BAZ2B: variants seen among roughly 807,000 people sequenced by gnomAD.
The protein encoded by BAZ2B is bromodomain adjacent to zinc finger domain 2B, also known as bromodomain adjacent to zinc finger domain protein 2B.
In BAZ2B, 91 loss-of-function variants were observed where a neutral mutation model predicts 246.0. That is an observed-to-expected ratio of 0.37 (90% CI 0.31 to 0.44). The LOEUF is 0.44. Ranked by LOEUF, BAZ2B falls within the 20% of genes least tolerant of loss-of-function variation. BAZ2B has a pLI of 1.00. For synonymous variants in BAZ2B, 855 were observed against 860.0 expected (o/e 0.99, Z 0.10); for missense variants, 2,332 against 2,533.7 (o/e 0.92, Z 1.71).
intron 2 of BAZ2B, among the ~76,000 whole-genome samples, chr2:159,518,114 C>G (rs2083624928): frequency 6.6e-6 from 1 of 152,092 alleles, no homozygotes; most frequent in South Asian, 2.1e-4. Flanking sequence ...ATTATTATTT[C>G]AATTGTTTCA....
In BAZ2B at chr2:159,404,867, T is replaced by C. The variant is rs752894441; in HGVS notation, c.2814A>G (p.Ile938Met). 5.0e-6 allele frequency: 8 copies of C among 1,613,142 alleles called. No individual in the cohort carries two copies. The highest frequency in any genetic ancestry group is 6.8e-6 in the Non-Finnish European group (8 of 1,179,880). ...CACATACCTGCTGTTTCATAATCTT[T>C]ATCTGTTCTTTTTGCTTCCGCTTCT... ...AEEKRKQKEQ[I>M]KIMKQQEKIK... The change falls in exon 16 of 37, where the codon ATA becomes ATG. Residue 938 changes from isoleucine (I) to methionine (M), a missense_variant. By Grantham distance (10) the Ile-to-Met change is conservative (BLOSUM62 1). Transcript: ENST00000392783.
chr2:159,345,961 G>C (rs2067705969), intron 31 of BAZ2B, among the ~76,000 whole-genome samples: 1 of 152,160 alleles, frequency 6.6e-6, no homozygotes, highest in African/African-American at 2.4e-5. Flanking sequence ...AGAAGGCAAT[G>C]AAATGTGTAA....
downstream of BAZ2B, among the ~76,000 whole-genome samples, chr2:159,318,697 T>C (rs1023442583): frequency 3.9e-5 from 6 of 152,216 alleles, no homozygotes; most frequent in African/African-American, 1.4e-4. Flanking sequence ...ATAGAGGCAT[T>C]TTTCAGACCA....
At chr2:159,350,955 C>T (rs1186893783) in intron 27 of BAZ2B, among the ~76,000 whole-genome samples, 1 of 152,048 alleles carries the variant, frequency 6.6e-6, no homozygotes, top group Non-Finnish European at 1.5e-5. Context: ...CTACCTAATG[C>T]TAGATGACGA....
At chr2:159,496,473 T>G (rs1207567756) in intron 2 of BAZ2B, among the ~76,000 whole-genome samples, 122 of 84,636 alleles carry the variant, frequency 1.4e-3, no homozygotes, top group African/African-American at 1.4e-3. Flanking sequence ...AGCAACAGAG[T>G]GAGACTCTGC....
intron 1 of BAZ2B, among the ~76,000 whole-genome samples, chr2:159,587,130 G>C (rs1480190564): frequency 6.6e-6 from 1 of 151,254 alleles, no homozygotes; most frequent in Non-Finnish European, 1.5e-5. Context: ...CCAGGCTGGA[G>C]TGCAGTGGCG....
chr2:159,451,365 T>C (rs1185500619), intron 4 of BAZ2B, among the ~76,000 whole-genome samples: 1 of 152,170 alleles, frequency 6.6e-6, no homozygotes, highest in Non-Finnish European at 1.5e-5. Context: ...TAAAAACTCC[T>C]AGTAATATCT....
intron 2 of BAZ2B, among the ~76,000 whole-genome samples, chr2:159,500,067 G>C (rs924927766): frequency 1.3e-5 from 2 of 152,040 alleles, no homozygotes; most frequent in Non-Finnish European, 2.9e-5. Context: ...ACTGCTTTTG[G>C]CATTTTCATC....
At position 159,487,282 on chromosome 2, in the gene BAZ2B, C is replaced by T. The variant is rs533355342; in HGVS notation, c.-2-8561G>A. ...AAATAGAGGCTCTAGCTCTGGCCCA[C>T]ATACCAACTACTTGTGTCAAGGATC... is the stretch of plus-strand genomic sequence containing the variant. On this transcript the variant is annotated intron_variant, in intron 2 of 36. Coordinates refer to ENST00000392783, the MANE Select transcript of BAZ2B (RefSeq NM_013450.4). Among the ~76,000 whole-genome samples, 5 of 152,306 alleles carry T rather than the reference C, an allele frequency of 3.3e-5. No individual in the cohort carries two copies. The East Asian group carries it at 7.7e-4, about 24-fold the overall frequency.
chr2:159,351,717 T>C (rs1002129255), intron 27 of BAZ2B, among the ~76,000 whole-genome samples: 1 of 152,166 alleles, frequency 6.6e-6, no homozygotes, highest in East Asian at 1.9e-4. Flanking sequence ...TTTTCATAGG[T>C]TTATTGGTAT....
intron 6 of BAZ2B, chr2:159,444,000 C>T (rs1476257170): frequency 2.6e-5 from 4 of 152,016 alleles, no homozygotes; most frequent in Non-Finnish European, 5.9e-5. Context: ...GGGTTAAAAG[C>T]ATGGGCATTT....
At chr2:159,563,277 A>G (rs1208450835) in intron 1 of BAZ2B, among the ~76,000 whole-genome samples, 1 of 152,194 alleles carries the variant, frequency 6.6e-6, no homozygotes, top group African/African-American at 2.4e-5. Context: ...CAGGGACTAC[A>G]TAATCCTGGT....
the BAZ2B span, among the ~76,000 whole-genome samples, chr2:159,635,696 C>T: frequency 1.3e-5 from 2 of 151,782 alleles, no homozygotes; most frequent in African/African-American, 4.8e-5. Flanking sequence ...CATAGGAGGA[C>T]ATTTCTGTAG....
Position 159,350,316 on chromosome 2 carries a change from C to T in BAZ2B, c.4255G>A (p.Ala1419Thr), listed in dbSNP as rs757360236. 6.3e-6 allele frequency: 10 copies of T among 1,574,998 alleles called. No individual in the cohort carries two copies. The South Asian group carries it at 1.1e-4, about 17-fold the overall frequency. ...IAKEREKLKK[A>T]ESVQIKEEMF... ...TCTTCTTTGATCTGGACACTTTCTGCCTTTTTCAGTTTTTCTCTTTCTTTT... is the reference window on the plus strand; with the variant it reads ...TCTTCTTTGATCTGGACACTTTCTGTCTTTTTCAGTTTTTCTCTTTCTTTT... Residue 1419 changes from alanine (A) to threonine (T), a missense_variant, in exon 28 of 37, where the codon GCA becomes ACA. This residue lies in a region of BAZ2B where 676 missense variants were observed against 668.6 expected (regional missense o/e 1.01). Coordinates refer to ENST00000392783, the MANE Select transcript of BAZ2B (RefSeq NM_013450.4).
chr2:159,337,913 A>T lies in BAZ2B; in HGVS notation c.5455-141T>A, dbSNP rs1011659118. The T allele has an allele frequency of 3.9e-6, 3 of 760,380 alleles. No individual in the cohort carries two copies. The African/African-American group carries it at 5.3e-5, about 13-fold the overall frequency. The allele number at this position is 760,380 out of a possible 1,614,324, so 47.1% of individuals were successfully genotyped here. ...AAGATTTTACCTTGTGTTTCCTAAA[A>T]CTAGGTGGAAATAAGAAGAAAAAAA... On this transcript the variant is annotated intron_variant, in intron 31 of 36. Transcript: ENST00000392783.
chr2:159,588,226 A>AAAC (rs1553738344), intron 1 of BAZ2B, among the ~76,000 whole-genome samples: 1 of 151,602 alleles, frequency 6.6e-6, no homozygotes, highest in Non-Finnish European at 1.5e-5. Context: ...AAAAAAAAAA[A>AAAC]AAAAAACCCC....
At chr2:159,632,299 G>C in the BAZ2B span, among the ~76,000 whole-genome samples, 1 of 152,166 alleles carries the variant, frequency 6.6e-6, no homozygotes, top group Admixed American at 6.5e-5. Flanking sequence ...TGTAGGTTAT[G>C]CACAGCACTA....
intron 1 of BAZ2B, among the ~76,000 whole-genome samples, chr2:159,613,124 G>C (rs1223223429): frequency 1.3e-5 from 2 of 152,130 alleles, no homozygotes; most frequent in East Asian, 3.9e-4. Flanking sequence ...CAATATTCAA[G>C]TAAAATCAGT....
chr2:159,441,857 A>G (rs1365653901), intron 6 of BAZ2B, among the ~76,000 whole-genome samples: 8 of 152,134 alleles, frequency 5.3e-5, no homozygotes, highest in Non-Finnish European at 1.2e-4. Flanking sequence ...CAGCTTATTA[A>G]TTTTCCCCCA....
Sources: allele counts gnomAD v4.1 joint callset (sites outside exome capture counted in the v4.1 genomes callset), GRCh38; gene constraint gnomAD v4.1.1; regional missense constraint gnomAD v4.1.1; transcripts MANE v1.5; gene names NCBI Gene and HGNC (gene_info 2026-07-23, HGNC 2026-07-21).